CFAP54: variants seen among roughly 807,000 people sequenced by gnomAD.
The protein encoded by CFAP54 is cilia and flagella associated protein 54.
A neutral mutation model predicts 370.4 loss-of-function variants in CFAP54; 290 were observed. The observed-to-expected ratio is 0.78, with a 90% CI of 0.71 to 0.86. CFAP54 has a LOEUF of 0.86. Ranked by LOEUF, CFAP54 falls within the 40% of genes least tolerant of loss-of-function variation. The probability of loss-of-function intolerance (pLI) is 0.00; values close to 1 mark genes in which losing one functional copy is unlikely to be tolerated. For missense variants in CFAP54, 3,399 were observed against 3,528.7 expected (o/e 0.96, Z 0.93); for synonymous variants, 1,206 against 1,236.5 (o/e 0.98, Z 0.52).
intron 50 of CFAP54, among the ~76,000 whole-genome samples, chr12:96,733,178 T>C (rs1032642851): frequency 6.6e-6 from 1 of 152,186 alleles, no homozygotes; most frequent in African/African-American, 2.4e-5. Context: ...CAAAAAACTT[T>C]GATGTTATTG....
At chr12:96,571,476 C>A (rs112600249) in intron 19 of CFAP54, among the ~76,000 whole-genome samples, 4 of 152,016 alleles carry the variant, frequency 2.6e-5, no homozygotes, top group Non-Finnish European at 4.4e-5. Flanking sequence ...AGTTACTGAA[C>A]CTTTCTAATT....
chr12:96,503,116 T>C (rs1955050298), intron 2 of CFAP54, among the ~76,000 whole-genome samples: 1 of 145,222 alleles, frequency 6.9e-6, no homozygotes, highest in African/African-American at 2.5e-5. Flanking sequence ...CCTTCCTTCC[T>C]TCTTTCTCGC....
At chr12:96,658,423 A>G in intron 38 of CFAP54, 77 bp downstream of exon 38, 1 of 1,485,086 alleles carries the variant, frequency 6.7e-7, no homozygotes, top group Non-Finnish European at 9.3e-7. Flanking sequence ...AAGATTTAGA[A>G]GTCAGATAAA....
intron 22 of CFAP54, among the ~76,000 whole-genome samples, chr12:96,585,304 G>A (rs745810620): frequency 6.6e-6 from 1 of 152,106 alleles, no homozygotes; most frequent in Non-Finnish European, 1.5e-5. Flanking sequence ...GGGATTACAG[G>A]CGTGTGCCAC....
chr12:96,670,456 T>G (rs551919038), intron 39 of CFAP54, among the ~76,000 whole-genome samples: 1 of 152,332 alleles, frequency 6.6e-6, no homozygotes, highest in African/African-American at 2.4e-5. Flanking sequence ...AAGCTGTGAC[T>G]TGAAAGTGAC....
Position 96,534,242 on chromosome 12 carries a change from G to A in CFAP54, c.1705+15G>A. The A allele has an allele frequency of 7.4e-7, 1 of 1,358,868 alleles. No individual in the cohort carries two copies. The highest frequency in any genetic ancestry group is 1.4e-5 in the South Asian group (1 of 72,176). The allele number at this position is 1,358,868 out of a possible 1,614,324, so 84.2% of individuals were successfully genotyped here. A position where few individuals can be genotyped will look rare whatever the true frequency, so the allele number is the denominator to read the frequency against. On this transcript the variant is annotated intron_variant, in intron 11 of 67. Coordinates refer to ENST00000524981, the MANE Select transcript of CFAP54 (RefSeq NM_001306084.2). ...TGCTGTTCATGGTAAGTATTTATTT[G>A]TTTGTTCAAAAAATTTAGTTTGACG...
At chr12:96,574,875 T>C (rs1955959937) in intron 19 of CFAP54, among the ~76,000 whole-genome samples, 1 of 152,218 alleles carries the variant, frequency 6.6e-6, no homozygotes, top group East Asian at 1.9e-4. Flanking sequence ...GTTAAAATAG[T>C]TTTATAACAT....
At chr12:96,787,207 G>C (rs1428270311) in intron 62 of CFAP54, among the ~76,000 whole-genome samples, 2 of 152,184 alleles carry the variant, frequency 1.3e-5, no homozygotes, top group Non-Finnish European at 2.9e-5. Context: ...ACAGATTTCA[G>C]TATCATCACT....
At chr12:96,664,799 A>ATGTG in intron 39 of CFAP54, among the ~76,000 whole-genome samples, 1 of 25,092 alleles carries the variant, frequency 4.0e-5, no homozygotes, top group South Asian at 7.8e-4. Flanking sequence ...ATATATATAT[A>ATGTG]TATATATATA....
At chr12:96,758,013 C>T (rs1958283847) in intron 58 of CFAP54, among the ~76,000 whole-genome samples, 1 of 152,170 alleles carries the variant, frequency 6.6e-6, no homozygotes, top group African/African-American at 2.4e-5. Context: ...CAGATTACCT[C>T]TTGATAGAAT....
intron 55 of CFAP54, 86 bp from the exon 56 acceptor site, chr12:96,753,657 C>A: frequency 7.7e-7 from 1 of 1,291,470 alleles, no homozygotes; most frequent in Non-Finnish European, 1.1e-6. Flanking sequence ...GATTTCATTA[C>A]TGTGAGAGCA....
intron 55 of CFAP54, among the ~76,000 whole-genome samples, chr12:96,749,794 G>A (rs955738592): frequency 2.0e-5 from 3 of 151,978 alleles, no homozygotes; most frequent in Non-Finnish European, 4.4e-5. Context: ...ACCTTTTCTG[G>A]GGGTTATATT....
intron 32 of CFAP54, among the ~76,000 whole-genome samples, chr12:96,638,636 A>G (rs1312192901): frequency 6.6e-6 from 1 of 152,122 alleles, no homozygotes; most frequent in Non-Finnish European, 1.5e-5. Flanking sequence ...AATAGATCTT[A>G]TATATCATTG....
At chr12:96,865,459 G>T (rs1455591782) in intron 67 of CFAP54, among the ~76,000 whole-genome samples, 1 of 152,112 alleles carries the variant, frequency 6.6e-6, no homozygotes, top group Non-Finnish European at 1.5e-5. Flanking sequence ...ATTTATGGAT[G>T]AGTACATATA....
intron 25 of CFAP54, among the ~76,000 whole-genome samples, chr12:96,595,560 A>G (rs1956168972): frequency 6.6e-6 from 1 of 152,144 alleles, no homozygotes; most frequent in South Asian, 2.1e-4. Context: ...TTTTTAGTAC[A>G]TGATCAAGAA....
At chr12:96,547,207 A>G (rs1955649492) in intron 14 of CFAP54, among the ~76,000 whole-genome samples, 1 of 152,054 alleles carries the variant, frequency 6.6e-6, no homozygotes, top group African/African-American at 2.4e-5. Flanking sequence ...ATTTTTTGAG[A>G]TGAAGTCTCA....
At chr12:96,775,097 T>A (rs1958502781) in intron 60 of CFAP54, among the ~76,000 whole-genome samples, 1 of 152,170 alleles carries the variant, frequency 6.6e-6, no homozygotes, top group Non-Finnish European at 1.5e-5. Flanking sequence ...GGAACCATAG[T>A]CACAGTGTAA....
chr12:96,795,944 C>G (rs1958756672), intron 63 of CFAP54, among the ~76,000 whole-genome samples: 1 of 152,198 alleles, frequency 6.6e-6, no homozygotes, highest in South Asian at 2.1e-4. Context: ...TCCCTGGGGA[C>G]TGAGAGTGCC....
At chr12:96,830,746 T>C (rs1959168080) in intron 66 of CFAP54, among the ~76,000 whole-genome samples, 1 of 152,266 alleles carries the variant, frequency 6.6e-6, no homozygotes. Context: ...TGGTGTGATC[T>C]TGGCTCACTG....
Sources: gnomAD v4.1 joint callset for allele counts (sites outside exome capture counted in the v4.1 genomes callset) on GRCh38, gnomAD v4.1.1 for gene constraint, MANE v1.5 for transcripts, NCBI Gene and HGNC (gene_info 2026-07-23, HGNC 2026-07-21) for gene names.